The following ST3GAL3 variants were observed in gnomAD, a reference collection of about 807,000 sequenced individuals.
ST3GAL3 encodes ST3 beta-galactoside alpha-2,3-sialyltransferase 3.
In ST3GAL3, 21 loss-of-function variants were observed where a neutral mutation model predicts 50.1. The ratio of observed to expected loss-of-function variants is 0.42; its 90% CI spans 0.30 to 0.60. ST3GAL3 has a LOEUF of 0.60. Ranked by LOEUF, ST3GAL3 falls within the 20% of genes least tolerant of loss-of-function variation. The pLI, the probability that ST3GAL3 is intolerant of heterozygous loss-of-function variation, is 0.19. For missense variants in ST3GAL3, 353 were observed against 489.4 expected (o/e 0.72, Z 2.63); for synonymous variants, 183 against 190.0 (o/e 0.96, Z 0.30).
At chr1:43,759,728 T>C (rs1689589747) in intron 2 of ST3GAL3, among the ~76,000 whole-genome samples, 1 of 152,238 alleles carries the variant, frequency 6.6e-6, no homozygotes, top group South Asian at 2.1e-4. Context: ...TCAGTAGCAC[T>C]AAACTGCTAT....
chr1:43,761,309 ATT>A (rs111636074), intron 2 of ST3GAL3, among the ~76,000 whole-genome samples: 1 of 147,426 alleles, frequency 6.8e-6, no homozygotes, highest in African/African-American at 2.5e-5. Flanking sequence ...CTGTAAAAAG[ATT>A]TTTTTTTTTT....
At chr1:43,766,441 T>C (rs1693012472) in intron 2 of ST3GAL3, among the ~76,000 whole-genome samples, 1 of 151,994 alleles carries the variant, frequency 6.6e-6, no homozygotes, top group South Asian at 2.1e-4. Context: ...TAAGAAGTGA[T>C]GTCAAGGAAA....
chr1:43,866,046 ACCT>A (rs2071253818), intron 5 of ST3GAL3, among the ~76,000 whole-genome samples: 2 of 151,814 alleles, frequency 1.3e-5, no homozygotes, highest in African/African-American at 4.8e-5. Context: ...AGGGCTCCTG[ACCT>A]CCTCTGGAAT....
At chr1:43,729,778 C>T (rs563136516) in intron 1 of ST3GAL3, among the ~76,000 whole-genome samples, 35 of 152,318 alleles carry the variant, frequency 2.3e-4, no homozygotes, top group South Asian at 6.2e-4. Flanking sequence ...TACTCTGTTA[C>T]GTTACAAATA....
chr1:43,882,979 A>ATTTATTTATTTATTTTT lies in ST3GAL3; in HGVS notation c.303-11404_303-11403insTTTATTTATTTATTTTT, dbSNP rs11270209. Among the ~76,000 whole-genome samples the ATTTATTTATTTATTTTT allele has an allele frequency of 1.8e-3, 254 of 139,062 alleles. 4 individuals carry two copies. Among genetic ancestry groups the ATTTATTTATTTATTTTT allele is most frequent in the East Asian group, 4.8e-3 (24 of 4,980 alleles). The allele number at this position is 139,062 out of a possible 152,430, so 91.2% of individuals were successfully genotyped here. On this transcript the variant is annotated intron_variant, in intron 5 of 11. Transcript: ENST00000347631. ...TATTTATTTATTTATTTATTTATTT[A>ATTTATTTATTTATTTTT]GAGACAGGCTCTCACTCTGTTGCCC... is the stretch of plus-strand genomic sequence containing the variant.
At chr1:43,779,573 A>G (rs920180990) in intron 2 of ST3GAL3, among the ~76,000 whole-genome samples, 4 of 152,020 alleles carry the variant, frequency 2.6e-5, no homozygotes, top group Admixed American at 2.6e-4. Context: ...CCAGTTCTTG[A>G]TTTTTCTGTT....
At chr1:43,808,138 C>A (rs1427464632) in intron 3 of ST3GAL3, among the ~76,000 whole-genome samples, 1 of 151,868 alleles carries the variant, frequency 6.6e-6, no homozygotes, top group Non-Finnish European at 1.5e-5. Context: ...ACGGTGTGTA[C>A]TAAAAATACA....
chr1:43,860,208 C>T (rs2069556873), intron 5 of ST3GAL3, among the ~76,000 whole-genome samples: 1 of 152,216 alleles, frequency 6.6e-6, no homozygotes, highest in Admixed American at 6.5e-5. Flanking sequence ...CCTTTTTAAA[C>T]ATGGTCAGCA....
At chr1:43,751,909 T>G (rs1686273050) in intron 2 of ST3GAL3, among the ~76,000 whole-genome samples, 2 of 151,878 alleles carry the variant, frequency 1.3e-5, no homozygotes, top group Non-Finnish European at 2.9e-5. Flanking sequence ...AACCTCCACC[T>G]CCGGGTTCAA....
At chr1:43,715,754 C>CTTCA (rs1273489572) in intron 1 of ST3GAL3, among the ~76,000 whole-genome samples, 1 of 152,180 alleles carries the variant, frequency 6.6e-6, no homozygotes, top group African/African-American at 2.4e-5. Context: ...TGGTACTGCA[C>CTTCA]TTCAGCATGG....
At chr1:43,844,809 A>G (rs1002758169) in intron 5 of ST3GAL3, among the ~76,000 whole-genome samples, 2 of 151,414 alleles carry the variant, frequency 1.3e-5, no homozygotes, top group African/African-American at 4.9e-5. Context: ...CCTGGGCGAC[A>G]TAGCAAGACT....
At chr1:43,890,475 C>CCGAA (rs1439106694) in intron 5 of ST3GAL3, among the ~76,000 whole-genome samples, 1 of 152,074 alleles carries the variant, frequency 6.6e-6, no homozygotes, top group African/African-American at 2.4e-5. Flanking sequence ...ACCTAACTAG[C>CCGAA]CGAAGTGTTA....
intron 4 of ST3GAL3, chr1:43,831,630 T>G (rs2063560481): frequency 6.6e-6 from 1 of 152,220 alleles, no homozygotes; most frequent in African/African-American, 2.4e-5. Flanking sequence ...GTGGAAACAG[T>G]GATCTTCTCC....
chr1:43,858,082 G>T (rs2068957478), intron 5 of ST3GAL3: 6 of 1,274,488 alleles, frequency 4.7e-6, no homozygotes, highest in Non-Finnish European at 6.2e-6. Flanking sequence ...ATAGGGCTGG[G>T]TTGCTCAACC....
At chr1:43,749,348 C>T (rs892343534) in intron 2 of ST3GAL3, among the ~76,000 whole-genome samples, 1 of 152,110 alleles carries the variant, frequency 6.6e-6, no homozygotes, top group Non-Finnish European at 1.5e-5. Context: ...CAAATTGTTC[C>T]ATCAAGTAAA....
At chr1:43,747,731 C>A (rs1454741565) in intron 2 of ST3GAL3, among the ~76,000 whole-genome samples, 5 of 151,826 alleles carry the variant, frequency 3.3e-5, no homozygotes, top group Non-Finnish European at 5.9e-5. Context: ...CAGGCGCCCA[C>A]CACCACCTCT....
intron 4 of ST3GAL3, among the ~76,000 whole-genome samples, chr1:43,818,767 G>GA (rs1467597130): frequency 2.0e-5 from 3 of 151,288 alleles, no homozygotes; most frequent in Admixed American, 2.0e-4. Flanking sequence ...TACCAGATCT[G>GA]AAAAAAACAA....
intron 1 of ST3GAL3, among the ~76,000 whole-genome samples, chr1:43,718,545 G>A (rs889281692): frequency 6.6e-6 from 1 of 151,380 alleles, no homozygotes; most frequent in African/African-American, 2.4e-5. Context: ...TTTAAATAAA[G>A]AGAACATTAC....
At chr1:43,738,344 T>C (rs1457404926) in intron 2 of ST3GAL3, 1 of 152,234 alleles carries the variant, frequency 6.6e-6, no homozygotes, top group Non-Finnish European at 1.5e-5. Context: ...GCTTTTCTAT[T>C]CTGACTCCTA....
Sources: gnomAD v4.1 joint callset for allele counts (sites outside exome capture counted in the v4.1 genomes callset) on GRCh38, gnomAD v4.1.1 for gene constraint, MANE v1.5 for transcripts, NCBI Gene and HGNC (gene_info 2026-07-23, HGNC 2026-07-21) for gene names.